Variants in AFF2 observed in about 807,000 individuals in gnomAD.
AFF2 encodes AF4/FMR2 family member 2.
Under a neutral mutation model 76.9 loss-of-function variants are expected in AFF2, and 14 were observed. The ratio of observed to expected loss-of-function variants is 0.18; its 90% CI spans 0.12 to 0.28. AFF2 has a LOEUF of 0.28. Among genes scored for constraint, AFF2 ranks in the 10% least tolerant of loss-of-function variants. The pLI, the probability that AFF2 is intolerant of heterozygous loss-of-function variation, is 1.00. For synonymous variants in AFF2, 398 were observed against 366.7 expected (o/e 1.09, Z -0.98); for missense variants, 868 against 1,001.1 (o/e 0.87, Z 1.79).
chrX:148,537,918 T>G (rs141055966), intron 1 of AFF2, among the ~76,000 whole-genome samples: 1 of 112,464 alleles, frequency 8.9e-6, no homozygotes, highest in East Asian at 2.8e-4. Flanking sequence ...ATGAGGCGTT[T>G]TCTGCGAGCC....
chrX:148,988,334 G>A (rs2072497214), intron 20 of AFF2, among the ~76,000 whole-genome samples: 2 of 111,968 alleles, frequency 1.8e-5, no homozygotes, highest in Non-Finnish European at 3.8e-5. Flanking sequence ...GACAAATGTG[G>A]GCTACCCATT....
intron 3 of AFF2, among the ~76,000 whole-genome samples, chrX:148,679,304 A>T (rs781912626): frequency 9.3e-6 from 1 of 107,848 alleles, no homozygotes; most frequent in East Asian, 2.9e-4. Context: ...ATCTGATAGT[A>T]AACATGATAC....
At chrX:148,603,089 G>A (rs1442731955) in intron 1 of AFF2, among the ~76,000 whole-genome samples, 8 of 111,729 alleles carry the variant, frequency 7.2e-5, no homozygotes, top group Non-Finnish European at 1.3e-4. Flanking sequence ...ACAGCTGGCT[G>A]TCTTGAAAGA....
intron 1 of AFF2, among the ~76,000 whole-genome samples, chrX:148,629,791 A>G (rs953611012): frequency 9.0e-6 from 1 of 111,489 alleles, no homozygotes; most frequent in Admixed American, 9.5e-5. Context: ...CCTGTCAGGT[A>G]TTTGAACCCA....
intron 1 of AFF2, among the ~76,000 whole-genome samples, chrX:148,549,297 G>A (rs16994611): frequency 0.028 from 3,107 of 112,175 alleles, 105 homozygotes; most frequent in African/African-American, 0.092. Context: ...GAGTGAATGC[G>A]TGGAAGAAGG....
intron 7 of AFF2, among the ~76,000 whole-genome samples, chrX:148,844,324 G>T (rs782559953): frequency 9.0e-6 from 1 of 111,466 alleles, no homozygotes; most frequent in Non-Finnish European, 1.9e-5. Flanking sequence ...AGGAAGAGCC[G>T]GAATAAGATA....
intron 3 of AFF2, among the ~76,000 whole-genome samples, chrX:148,774,256 C>T (rs1425276652): frequency 9.8e-5 from 11 of 111,686 alleles, no homozygotes; most frequent in Admixed American, 5.7e-4. Context: ...AATTATTTAG[C>T]GCAAGAGGAA....
At chrX:148,726,742 T>C (rs990464339) in intron 3 of AFF2, among the ~76,000 whole-genome samples, 2 of 111,812 alleles carry the variant, frequency 1.8e-5, no homozygotes, top group Non-Finnish European at 3.8e-5. Flanking sequence ...GTATGAACCA[T>C]TTTGATCTGG....
chrX:148,722,786 A>C (rs1426466612), intron 3 of AFF2, among the ~76,000 whole-genome samples: 4 of 111,160 alleles, frequency 3.6e-5, no homozygotes, highest in African/African-American at 1.3e-4. Flanking sequence ...ATTACAATGA[A>C]CTACCACTGT....
chrX:148,530,632 C>A (rs1557235762), intron 1 of AFF2, among the ~76,000 whole-genome samples: 1 of 110,064 alleles, frequency 9.1e-6, no homozygotes, highest in East Asian at 2.8e-4. Flanking sequence ...TATAGTTAAG[C>A]TGCAATTCCC....
At chrX:148,680,988 C>T (rs2054540610) in intron 3 of AFF2, among the ~76,000 whole-genome samples, 1 of 111,574 alleles carries the variant, frequency 9.0e-6, no homozygotes. Context: ...GCTTAGGCTT[C>T]CTGAAGTCAA....
At chrX:148,975,037 C>T (rs1557290042) in intron 16 of AFF2, among the ~76,000 whole-genome samples, 1 of 111,729 alleles carries the variant, frequency 9.0e-6, no homozygotes, top group African/African-American at 3.3e-5. Context: ...TTTAAATTAA[C>T]AAGAAAACGT....
At chrX:148,768,325 C>A (rs181373302) in intron 3 of AFF2, among the ~76,000 whole-genome samples, 254 of 110,019 alleles carry the variant, frequency 2.3e-3, no homozygotes, top group African/African-American at 8.0e-3. Flanking sequence ...GCTTCCTGCA[C>A]TTGGCTGGCC....
chrX:148,525,080 A>G (rs1557235015), intron 1 of AFF2, among the ~76,000 whole-genome samples: 1 of 112,306 alleles, frequency 8.9e-6, no homozygotes, highest in African/African-American at 3.2e-5. Context: ...AAAAATAATT[A>G]TAGTAATATT....
chrX:148,692,472 C>T (rs782368342), intron 3 of AFF2, among the ~76,000 whole-genome samples: 33 of 111,959 alleles, frequency 2.9e-4, no homozygotes, highest in African/African-American at 1.1e-3. Context: ...ACTTGACCTG[C>T]TTTTCTGTGT....
intron 1 of AFF2, among the ~76,000 whole-genome samples, chrX:148,508,397 A>G (rs1557232758): frequency 9.0e-6 from 1 of 111,677 alleles, no homozygotes; most frequent in East Asian, 2.8e-4. Flanking sequence ...ATAATATGCT[A>G]CTTGTTTTGT....
chrX:148,620,050 C>T (rs182122787), intron 1 of AFF2, among the ~76,000 whole-genome samples: 1 of 111,689 alleles, frequency 9.0e-6, no homozygotes, highest in Admixed American at 9.5e-5. Context: ...CTTAGAATGT[C>T]GATAACATGA....
At chrX:148,905,771 G>A (rs1333246347) in intron 9 of AFF2, among the ~76,000 whole-genome samples, 1 of 112,737 alleles carries the variant, frequency 8.9e-6, no homozygotes, top group Non-Finnish European at 1.9e-5. Context: ...CATTGGCAGT[G>A]TTTGGGGTTG....
chrX:148,717,410 C>G (rs1479318925), intron 3 of AFF2, among the ~76,000 whole-genome samples: 1 of 104,590 alleles, frequency 9.6e-6, no homozygotes, highest in Non-Finnish European at 2.0e-5. Context: ...GGATGGGGAA[C>G]ACAGAGTAAC....
Sources: gnomAD v4.1 joint callset for allele counts (sites outside exome capture counted in the v4.1 genomes callset) on GRCh38, gnomAD v4.1.1 for gene constraint, MANE v1.5 for transcripts, NCBI Gene and HGNC (gene_info 2026-07-23, HGNC 2026-07-21) for gene names.